The following NDUFAF6 variants were observed in gnomAD, a reference collection of about 807,000 sequenced individuals.
NDUFAF6 encodes the protein NADH dehydrogenase (ubiquinone) complex I, assembly factor 6.
Under a neutral mutation model 40.8 loss-of-function variants are expected in NDUFAF6, and 45 were observed. That is an observed-to-expected ratio of 1.10 (90% CI 0.87 to 1.42). NDUFAF6 has a LOEUF of 1.42. Ranked by LOEUF, NDUFAF6 falls within the 40% of genes most tolerant of loss-of-function variation. The pLI is 0.00. For synonymous variants in NDUFAF6, 185 were observed against 155.9 expected (o/e 1.19, Z -1.39); for missense variants, 435 against 418.5 (o/e 1.04, Z -0.34).
chr8:94,974,175 A>G (rs1246103330), intron 1 of NDUFAF6, among the ~76,000 whole-genome samples: 1 of 151,504 alleles, frequency 6.6e-6, no homozygotes, highest in Non-Finnish European at 1.5e-5. Flanking sequence ...TGGCCATACC[A>G]TCTCCTCATC....
intron 2 of NDUFAF6, among the ~76,000 whole-genome samples, chr8:95,084,228 A>C (rs1808967642): frequency 6.6e-6 from 1 of 152,002 alleles, no homozygotes; most frequent in Admixed American, 6.6e-5. Flanking sequence ...TGTGAATGCA[A>C]AAATTTTCCA....
upstream of NDUFAF6, among the ~76,000 whole-genome samples, chr8:94,953,485 C>T (rs142002254): frequency 6.6e-6 from 1 of 152,328 alleles, no homozygotes; most frequent in African/African-American, 2.4e-5. Flanking sequence ...TGAAGAGGCG[C>T]ACTGTGTGGG....
chr8:94,930,610 G>T (rs748615146), intron 1 of NDUFAF6: 4 of 1,614,202 alleles, frequency 2.5e-6, no homozygotes, highest in Non-Finnish European at 3.4e-6. Flanking sequence ...CTTTCACTGT[G>T]TTCTTTTATC....
chr8:95,050,888 C>G (rs1243478850), intron 7 of NDUFAF6, among the ~76,000 whole-genome samples: 1 of 152,036 alleles, frequency 6.6e-6, no homozygotes, highest in African/African-American at 2.4e-5. Context: ...GTGGCAAGAC[C>G]AGATAGAGGG....
At chr8:95,054,648 T>G (rs1831899468) in intron 8 of NDUFAF6, among the ~76,000 whole-genome samples, 1 of 152,118 alleles carries the variant, frequency 6.6e-6, no homozygotes, top group African/African-American at 2.4e-5. Flanking sequence ...TTGGCCAGGC[T>G]GGTCTCGAAT....
intron 1 of NDUFAF6, among the ~76,000 whole-genome samples, chr8:94,913,420 A>G (rs1358327620): frequency 6.6e-6 from 1 of 152,200 alleles, no homozygotes; most frequent in Non-Finnish European, 1.5e-5. Flanking sequence ...CATTTTCACC[A>G]TATCATCTAG....
At chr8:94,977,021 C>G (rs975201214) in intron 1 of NDUFAF6, among the ~76,000 whole-genome samples, 1 of 151,398 alleles carries the variant, frequency 6.6e-6, no homozygotes, top group Admixed American at 6.6e-5. Flanking sequence ...CGTGGTGGCA[C>G]ACACCTGTGG....
chr8:94,909,663 C>T lies in NDUFAF6; in HGVS notation c.-936+13736C>T, dbSNP rs377533677. Among the ~76,000 whole-genome samples, 8 of 151,538 alleles carry T rather than the reference C, an allele frequency of 5.3e-5. No individual in the cohort carries two copies. In the East Asian group the frequency reaches 1.2e-3, roughly 22 times the overall value. ...AATTTTTTTCAAAAAGCCAGCCGGG[C>T]GTGGTAGCTCCTAGCATTTTGGGAG... is the stretch of plus-strand genomic sequence containing the variant. On this transcript the variant is annotated intron_variant, in intron 1 of 14. Coordinates refer to the NDUFAF6 transcript ENST00000396113.
chr8:95,042,392 A>G (rs1018459570), intron 4 of NDUFAF6, among the ~76,000 whole-genome samples: 2 of 152,236 alleles, frequency 1.3e-5, no homozygotes, highest in African/African-American at 4.8e-5. Flanking sequence ...CAATAACAAG[A>G]AGAAGCCAAA....
At chr8:94,927,010 T>C (rs955254588) in intron 1 of NDUFAF6, 1 of 152,208 alleles carries the variant, frequency 6.6e-6, no homozygotes, top group Non-Finnish European at 1.5e-5. Flanking sequence ...ATGGGCCTTA[T>C]AAAATAAAAA....
At chr8:95,113,586 T>C (rs918358917) in intron 4 of NDUFAF6, among the ~76,000 whole-genome samples, 1 of 152,212 alleles carries the variant, frequency 6.6e-6, no homozygotes, top group Non-Finnish European at 1.5e-5. Flanking sequence ...TCTTCTTGCC[T>C]TCAAGCCCTG....
At chr8:95,105,264 G>A (rs185064790), downstream of NDUFAF6, among the ~76,000 whole-genome samples, 5 of 152,306 alleles carry the variant, frequency 3.3e-5, no homozygotes, top group East Asian at 7.7e-4. Flanking sequence ...GACCAAGACA[G>A]CTGGCCATGC....
intron 1 of NDUFAF6, among the ~76,000 whole-genome samples, chr8:94,900,412 T>C (rs1586584570): frequency 6.6e-6 from 1 of 151,342 alleles, no homozygotes; most frequent in African/African-American, 2.4e-5. Context: ...CACCAGGGAG[T>C]CTAGGTAGAT....
At chr8:95,004,485 G>C (rs1481002599) in intron 2 of NDUFAF6, among the ~76,000 whole-genome samples, 1 of 150,498 alleles carries the variant, frequency 6.6e-6, no homozygotes, top group African/African-American at 2.5e-5. Flanking sequence ...CAAGTAACTA[G>C]GACTACAGGT....
intron 1 of NDUFAF6, among the ~76,000 whole-genome samples, chr8:94,943,011 A>G (rs113078837): frequency 1.3e-5 from 2 of 152,236 alleles, no homozygotes; most frequent in East Asian, 1.9e-4. Flanking sequence ...GGAAACAGGA[A>G]TGAATCCTGC....
intron 1 of NDUFAF6, among the ~76,000 whole-genome samples, chr8:94,931,027 T>C (rs1469318037): frequency 6.6e-6 from 1 of 152,260 alleles, no homozygotes; most frequent in Admixed American, 6.5e-5. Context: ...CACACATTTA[T>C]ATAAGCTTGT....
At chr8:95,104,008 G>A (rs528915764), downstream of NDUFAF6, among the ~76,000 whole-genome samples, 15 of 152,062 alleles carry the variant, frequency 9.9e-5, no homozygotes, top group African/African-American at 3.6e-4. Flanking sequence ...CTGCTTCTTC[G>A]GGTTTTCTCT....
intron 8 of NDUFAF6, among the ~76,000 whole-genome samples, chr8:95,053,085 C>T (rs1302949747): frequency 2.0e-5 from 3 of 152,230 alleles, no homozygotes; most frequent in Admixed American, 1.3e-4. Flanking sequence ...TACCTTTTCC[C>T]CTGAAATATA....
chr8:95,001,045 T>C (rs1826708664), intron 2 of NDUFAF6, among the ~76,000 whole-genome samples: 1 of 151,392 alleles, frequency 6.6e-6, no homozygotes, highest in African/African-American at 2.4e-5. Flanking sequence ...AGCCTTGATG[T>C]CCCAGGCCCA....
Sources: allele counts gnomAD v4.1 joint callset (sites outside exome capture counted in the v4.1 genomes callset), GRCh38; gene constraint gnomAD v4.1.1; transcripts MANE v1.5; gene names NCBI Gene and HGNC (gene_info 2026-07-23, HGNC 2026-07-21).